Variants in KLF8 observed in about 807,000 individuals in gnomAD.
KLF8 encodes Krueppel-like factor 8.
In KLF8, 10 loss-of-function variants were observed where a neutral mutation model predicts 18.2. The observed-to-expected ratio is 0.55, with a 90% CI of 0.34 to 0.93. KLF8 has a LOEUF of 0.93. Among genes scored for constraint, KLF8 ranks in the 40% least tolerant of loss-of-function variants. The pLI, the probability that KLF8 is intolerant of heterozygous loss-of-function variation, is 0.02. For missense variants in KLF8, 264 were observed against 277.9 expected (o/e 0.95, Z 0.36); for synonymous variants, 109 against 97.3 (o/e 1.12, Z -0.71).
chrX:56,252,548 G>A (rs2066729679), intron 2 of KLF8, among the ~76,000 whole-genome samples: 1 of 112,065 alleles, frequency 8.9e-6, no homozygotes, highest in Admixed American at 9.4e-5. Context: ...GCAAATGACA[G>A]GATCTCATTC....
chrX:56,268,818 A>G, intron 3 of KLF8: 1 of 817,832 alleles, frequency 1.2e-6, no homozygotes, highest in Non-Finnish European at 1.5e-6. Context: ...GGAATATTTG[A>G]CAGCTTCTCC....
At chrX:56,030,491 T>C in the KLF8 span, among the ~76,000 whole-genome samples, 1 of 111,373 alleles carries the variant, frequency 9.0e-6, no homozygotes, top group Non-Finnish European at 1.9e-5. Context: ...CAGTGTAAGA[T>C]GGAGTATTAT....
the KLF8 span, among the ~76,000 whole-genome samples, chrX:56,140,689 A>G: frequency 9.2e-6 from 1 of 108,363 alleles, no homozygotes; most frequent in Admixed American, 1.0e-4. Context: ...TAATCTGTAC[A>G]CCAAACCTTC....
At chrX:56,158,102 A>G in the KLF8 span, among the ~76,000 whole-genome samples, 3 of 111,760 alleles carry the variant, frequency 2.7e-5, no homozygotes, top group African/African-American at 9.7e-5. Context: ...TCAGCTTTCT[A>G]CATATGGCTA....
chrX:56,146,579 G>T, the KLF8 span, among the ~76,000 whole-genome samples: 1 of 110,566 alleles, frequency 9.0e-6, no homozygotes, highest in Non-Finnish European at 1.9e-5. Flanking sequence ...GGGGGATTAG[G>T]GGATGGATAG....
At chrX:55,935,009 G>T in the KLF8 span, among the ~76,000 whole-genome samples, 44 of 111,720 alleles carry the variant, frequency 3.9e-4, no homozygotes, top group Admixed American at 4.0e-3. Flanking sequence ...AGATTGGAGT[G>T]GAGCACAGAA....
chrX:55,989,409 C>T, the KLF8 span, among the ~76,000 whole-genome samples: 10 of 112,285 alleles, frequency 8.9e-5, no homozygotes, highest in African/African-American at 1.3e-4. Flanking sequence ...TTTTTTAGCA[C>T]GAAGGGCTGT....
chrX:56,084,062 T>C, the KLF8 span, among the ~76,000 whole-genome samples: 4 of 111,563 alleles, frequency 3.6e-5, no homozygotes, highest in Non-Finnish European at 7.5e-5. Flanking sequence ...TTCAGGCAAA[T>C]ATAAAATTGT....
At chrX:55,980,468 G>C in the KLF8 span, among the ~76,000 whole-genome samples, 761 of 111,515 alleles carry the variant, frequency 6.8e-3, 4 homozygotes, top group South Asian at 0.023. Context: ...GAGTTTGAGA[G>C]GCATCTGTGT....
the KLF8 span, among the ~76,000 whole-genome samples, chrX:55,998,536 T>C: frequency 8.9e-6 from 1 of 112,307 alleles, no homozygotes; most frequent in Non-Finnish European, 1.9e-5. Flanking sequence ...ACAAAGCACA[T>C]CTTGCACCGC....
chrX:56,103,296 T>C, the KLF8 span, among the ~76,000 whole-genome samples: 2 of 111,363 alleles, frequency 1.8e-5, no homozygotes, highest in Non-Finnish European at 3.8e-5. Context: ...ATAAATTACC[T>C]TGGGCAGTAT....
chrX:56,018,282 G>A, the KLF8 span, among the ~76,000 whole-genome samples: 9 of 110,429 alleles, frequency 8.2e-5, no homozygotes, highest in Non-Finnish European at 1.5e-4. Flanking sequence ...GTGAGAACAT[G>A]CATTTGTCTC....
chrX:56,020,681 C>T, the KLF8 span, among the ~76,000 whole-genome samples: 260 of 111,226 alleles, frequency 2.3e-3, no homozygotes, highest in Admixed American at 7.6e-3. Flanking sequence ...GAGGTGCTTC[C>T]GGAACATTTA....
the KLF8 span, among the ~76,000 whole-genome samples, chrX:56,171,722 A>G: frequency 1.8e-5 from 2 of 111,745 alleles, no homozygotes; most frequent in East Asian, 2.8e-4. Context: ...TTATGGCTGC[A>G]TAGTATTCCG....
the KLF8 span, among the ~76,000 whole-genome samples, chrX:56,026,468 G>A: frequency 1.7e-4 from 19 of 111,819 alleles, no homozygotes; most frequent in Non-Finnish European, 3.4e-4. Flanking sequence ...TGTAAGAGGA[G>A]TATCCTGTTT....
At chrX:56,105,689 G>T in the KLF8 span, among the ~76,000 whole-genome samples, 1 of 110,378 alleles carries the variant, frequency 9.1e-6, no homozygotes, top group Admixed American at 9.7e-5. Context: ...TCTTTTAATT[G>T]GGGCATTTAG....
the KLF8 span, among the ~76,000 whole-genome samples, chrX:55,914,497 T>TA: frequency 1.8e-5 from 2 of 112,039 alleles, no homozygotes; most frequent in African/African-American, 6.5e-5. Flanking sequence ...CACTGAGGGT[T>TA]AGAGGAAAGT....
At chrX:56,001,429 C>T in the KLF8 span, among the ~76,000 whole-genome samples, 1 of 111,916 alleles carries the variant, frequency 8.9e-6, no homozygotes, top group Non-Finnish European at 1.9e-5. Flanking sequence ...TTGGACTATG[C>T]TTTAGACCCT....
the KLF8 span, among the ~76,000 whole-genome samples, chrX:55,927,250 T>C: frequency 3.6e-5 from 4 of 112,171 alleles, no homozygotes; most frequent in South Asian, 1.5e-3. Context: ...GCAGTATCCC[T>C]GGCCTCTACC....
Sources: gnomAD v4.1 joint callset for allele counts (sites outside exome capture counted in the v4.1 genomes callset) on GRCh38, gnomAD v4.1.1 for gene constraint, MANE v1.5 for transcripts, NCBI Gene and HGNC (gene_info 2026-07-23, HGNC 2026-07-21) for gene names.